Variants in FAM117A observed in about 807,000 individuals in gnomAD.
FAM117A encodes family with sequence similarity 117 member A.
A neutral mutation model predicts 44.1 loss-of-function variants in FAM117A; 21 were observed. The observed-to-expected ratio is 0.48, with a 90% CI of 0.34 to 0.69. The LOEUF is 0.69. FAM117A is among the 30% of genes least tolerant of loss of function. FAM117A has a pLI of 0.01. For missense variants in FAM117A, 498 were observed against 589.9 expected, an observed-to-expected ratio of 0.84 and a Z score of 1.61; for synonymous variants, 220 against 238.3, an observed-to-expected ratio of 0.92 and a Z score of 0.71.
chr17:49,761,175 C>T (rs998263892), intron 1 of FAM117A, among the ~76,000 whole-genome samples: 1 of 152,174 alleles, frequency 6.6e-6, no homozygotes, highest in African/African-American at 2.4e-5. Context: ...CAGTGGCGAC[C>T]CTTAATTGTT....
intron 1 of FAM117A, among the ~76,000 whole-genome samples, chr17:49,769,219 C>G (rs2073753888): frequency 6.6e-6 from 1 of 151,956 alleles, no homozygotes; most frequent in Non-Finnish European, 1.5e-5. Context: ...CCCTTGAACC[C>G]GGGAGGCGGA....
intron 1 of FAM117A, among the ~76,000 whole-genome samples, chr17:49,733,251 G>A (rs1000728233): frequency 2.6e-5 from 4 of 152,184 alleles, no homozygotes; most frequent in African/African-American, 9.7e-5. Context: ...AGGGAACCCC[G>A]GTGGCTGACA....
chr17:49,744,256 T>A (rs1053306998), intron 1 of FAM117A, among the ~76,000 whole-genome samples: 5 of 152,114 alleles, frequency 3.3e-5, no homozygotes, highest in Admixed American at 3.3e-4. Flanking sequence ...CCTATGCACA[T>A]CCTCCCGAAT....
intron 3 of FAM117A, 46 bp downstream of exon 3, chr17:49,722,453 G>A (rs1203182360): frequency 7.3e-6 from 11 of 1,514,578 alleles, no homozygotes; most frequent in African/African-American, 1.4e-5. Context: ...CTAGGGGATC[G>A]AGAAGAAGCC....
chr17:49,747,244 C>A (rs1289518155), intron 1 of FAM117A: 1 of 152,234 alleles, frequency 6.6e-6, no homozygotes, highest in African/African-American at 2.4e-5. Context: ...CTCTACCACA[C>A]AGGAGAATAT....
intron 1 of FAM117A, among the ~76,000 whole-genome samples, chr17:49,780,521 C>T (rs1329613855): frequency 2.0e-5 from 3 of 152,104 alleles, no homozygotes; most frequent in African/African-American, 4.8e-5. Flanking sequence ...ACTGGGACTA[C>T]AGGTCCACCA....
chr17:49,711,575 A>G lies in FAM117A; in HGVS notation c.1062-20T>C, dbSNP rs1477243307. ...GGAGACCTGGAGGATGAAGAGAGAC[A>G]CACAAGACACATACGTACACACAGA... On this transcript the variant is annotated intron_variant, in intron 7 of 7. Coordinates refer to ENST00000240364, the MANE Select transcript of FAM117A (RefSeq NM_030802.4). 1 of 1,610,014 alleles carries G rather than the reference A, an allele frequency of 6.2e-7. No homozygotes were observed. Among genetic ancestry groups the G allele is most frequent in the Non-Finnish European group, 8.5e-7 (1 of 1,177,214 alleles).
chr17:49,756,135 AAACTT>A (rs1337311218), intron 1 of FAM117A, among the ~76,000 whole-genome samples: 1 of 152,302 alleles, frequency 6.6e-6, no homozygotes, highest in East Asian at 1.9e-4. Flanking sequence ...GAGAGAGTAA[AAACTT>A]AATTTAACCT....
chr17:49,733,697 C>A (rs2073596899), intron 1 of FAM117A, among the ~76,000 whole-genome samples: 1 of 151,708 alleles, frequency 6.6e-6, no homozygotes, highest in African/African-American at 2.4e-5. Context: ...ATAAATAAAT[C>A]CATTCATTTA....
intron 1 of FAM117A, among the ~76,000 whole-genome samples, chr17:49,774,334 C>T (rs551854109): frequency 6.7e-6 from 1 of 149,584 alleles, no homozygotes; most frequent in African/African-American, 2.5e-5. Flanking sequence ...TTTGTAGAGG[C>T]ATGGTTTTGT....
intron 7 of FAM117A, 80 bp downstream of exon 7, chr17:49,716,083 AAG>A (rs2073501562): frequency 2.0e-6 from 3 of 1,496,080 alleles, no homozygotes; most frequent in Non-Finnish European, 2.8e-6. Context: ...CCTCTATGAC[AAG>A]AGAGAGTCCA....
At chr17:49,714,783 A>G (rs1188592144) in intron 7 of FAM117A, among the ~76,000 whole-genome samples, 2 of 151,684 alleles carry the variant, frequency 1.3e-5, no homozygotes, top group East Asian at 1.9e-4. Flanking sequence ...AGTAGCTGGG[A>G]TAACAGGTGC....
intron 1 of FAM117A, among the ~76,000 whole-genome samples, chr17:49,770,725 G>A (rs973203228): frequency 1.3e-5 from 2 of 151,940 alleles, no homozygotes; most frequent in African/African-American, 4.8e-5. Flanking sequence ...CTAACATGGT[G>A]AAACCCTGTC....
At chr17:49,744,004 A>G (rs2073644773) in intron 1 of FAM117A, among the ~76,000 whole-genome samples, 1 of 152,200 alleles carries the variant, frequency 6.6e-6, no homozygotes, top group South Asian at 2.1e-4. Flanking sequence ...GGAAAAGGAA[A>G]TCAGAACAGG....
chr17:49,785,996 T>C (rs750310112), intron 1 of FAM117A, among the ~76,000 whole-genome samples: 2 of 152,224 alleles, frequency 1.3e-5, no homozygotes, highest in Admixed American at 6.5e-5. Flanking sequence ...TGTGTTGTGA[T>C]GAACATGACT....
intron 1 of FAM117A, among the ~76,000 whole-genome samples, chr17:49,758,642 T>TA (rs112755250): frequency 0.08 from 3,533 of 44,134 alleles, 54 homozygotes; most frequent in Non-Finnish European, 0.096. Context: ...AAAAATAAAA[T>TA]AAATAAATAA....
Position 49,717,549 on chromosome 17 carries a change from C to T in FAM117A, c.874G>A (p.Ala292Thr), listed in dbSNP as rs2143697051. The change falls in exon 6 of 8, where the codon GCC (alanine) becomes ACC (threonine). Residue 292 changes from alanine to threonine, a missense_variant. Coordinates refer to ENST00000240364, the MANE Select transcript of FAM117A (RefSeq NM_030802.4). ...GGGGTGGATGCCAGCTCCTCGGCGGCACCCCGATGTTCCTCATGACTGGCC... is the reference window on the plus strand; with the variant it reads ...GGGGTGGATGCCAGCTCCTCGGCGGTACCCCGATGTTCCTCATGACTGGCC... The part of the protein sequence containing the change: ...GLASHEEHRG[A>T]AEELASTPND... 4.3e-6 allele frequency: 7 copies of T among 1,614,120 alleles called. 1 individual carries two copies. Among genetic ancestry groups the T allele is most frequent in the Middle Eastern group, 3.3e-4 (2 of 6,058 alleles).
intron 2 of FAM117A, among the ~76,000 whole-genome samples, chr17:49,729,609 G>A (rs1425586969): frequency 2.0e-5 from 3 of 148,932 alleles, no homozygotes; most frequent in African/African-American, 7.4e-5. Flanking sequence ...GGGTTCAAGC[G>A]ATTCTCCTGT....
At position 49,758,638 on chromosome 17, in the gene FAM117A, A is replaced by T. The variant is rs201779724; in HGVS notation, c.196+5254T>A. On this transcript the variant is annotated intron_variant, in intron 1 of 7. Transcript: ENST00000240364. ...GACTGTCTCAAAAAAAAAAAAAAAT[A>T]AAATAAATAAATAAATAAATAAATA... 9.6e-4 allele frequency among the ~76,000 whole-genome samples: 130 copies of T among 135,188 alleles called. 3 individuals carry two copies. Among genetic ancestry groups the T allele is most frequent in the East Asian group, 3.9e-3 (17 of 4,376 alleles). 88.7% of individuals were successfully genotyped at this position (135,188 alleles called of 152,430 possible).
Sources: gnomAD v4.1 joint callset for allele counts (sites outside exome capture counted in the v4.1 genomes callset) on GRCh38, gnomAD v4.1.1 for gene constraint, MANE v1.5 for transcripts, NCBI Gene and HGNC (gene_info 2026-07-23, HGNC 2026-07-21) for gene names.